The following PRKG1 variants were observed in gnomAD, a reference collection of about 807,000 sequenced individuals.
PRKG1 encodes cGMP-dependent protein kinase 1.
Under a neutral mutation model 88.1 loss-of-function variants are expected in PRKG1, and 35 were observed. The observed-to-expected ratio is 0.40, with a 90% CI of 0.30 to 0.53. The LOEUF is 0.53. Among genes scored for constraint, PRKG1 ranks in the 20% least tolerant of loss-of-function variants. The pLI, the probability that PRKG1 is intolerant of heterozygous loss-of-function variation, is 0.59. For synonymous variants in PRKG1, 303 were observed against 292.5 expected (o/e 1.04, Z -0.37); for missense variants, 540 against 839.8 (o/e 0.64, Z 4.41).
intron 9 of PRKG1, among the ~76,000 whole-genome samples, chr10:52,191,112 C>A (rs1839351433): frequency 6.6e-6 from 1 of 152,056 alleles, no homozygotes. Flanking sequence ...CTCTTTAGGC[C>A]TCCTTTAATC....
At chr10:51,094,575 A>G (rs945725988) in intron 1 of PRKG1, among the ~76,000 whole-genome samples, 2 of 151,940 alleles carry the variant, frequency 1.3e-5, no homozygotes, top group African/African-American at 4.8e-5. Flanking sequence ...TTTGAATGGT[A>G]TCATGAAAGA....
chr10:51,208,611 C>T (rs978749857), intron 2 of PRKG1, among the ~76,000 whole-genome samples: 4 of 152,126 alleles, frequency 2.6e-5, no homozygotes, highest in African/African-American at 9.6e-5. Context: ...CTTCAAAATG[C>T]AAAAGGCTTA....
intron 3 of PRKG1, among the ~76,000 whole-genome samples, chr10:51,653,931 T>C (rs181804079): frequency 6.6e-6 from 1 of 152,318 alleles, no homozygotes. Context: ...CCTATATATT[T>C]TGAATATGAA....
intron 3 of PRKG1, among the ~76,000 whole-genome samples, chr10:51,646,938 C>T (rs775409475): frequency 1.3e-4 from 20 of 151,774 alleles, no homozygotes; most frequent in Admixed American, 5.3e-4. Flanking sequence ...GAAGCTCATT[C>T]CTTGGTGTTA....
chr10:52,027,773 C>T (rs1178922724), intron 5 of PRKG1, among the ~76,000 whole-genome samples: 2 of 151,530 alleles, frequency 1.3e-5, no homozygotes, highest in African/African-American at 4.9e-5. Context: ...CCAGGCTGTT[C>T]TATCTTTATT....
chr10:51,883,215 T>G (rs1335767171), intron 4 of PRKG1, among the ~76,000 whole-genome samples: 2 of 152,236 alleles, frequency 1.3e-5, no homozygotes, highest in African/African-American at 4.8e-5. Context: ...TTAGCTCCCC[T>G]GGATCTCAAG....
chr10:51,709,276 C>A (rs1407785854), intron 3 of PRKG1, among the ~76,000 whole-genome samples: 1 of 152,174 alleles, frequency 6.6e-6, no homozygotes, highest in Non-Finnish European at 1.5e-5. Context: ...ATACACTGTA[C>A]TTTTAAAATA....
At chr10:51,851,133 T>G (rs941363178) in intron 4 of PRKG1, among the ~76,000 whole-genome samples, 1 of 152,012 alleles carries the variant, frequency 6.6e-6, no homozygotes. Flanking sequence ...TAATAGATAA[T>G]CAGGAAAAGG....
intron 4 of PRKG1, among the ~76,000 whole-genome samples, chr10:51,854,987 C>T (rs1298339499): frequency 6.6e-6 from 1 of 152,098 alleles, no homozygotes; most frequent in Non-Finnish European, 1.5e-5. Flanking sequence ...ATTTAGATTA[C>T]TGCAAAGTGG....
At chr10:52,276,590 C>A (rs1841879784) in intron 12 of PRKG1, among the ~76,000 whole-genome samples, 1 of 152,088 alleles carries the variant, frequency 6.6e-6, no homozygotes, top group Non-Finnish European at 1.5e-5. Context: ...CTTAAAACAA[C>A]CACCCATCCC....
chr10:52,014,960 C>A (rs1221770496), intron 5 of PRKG1, among the ~76,000 whole-genome samples: 1 of 152,238 alleles, frequency 6.6e-6, no homozygotes. Context: ...AGGGTACAGC[C>A]CCCACAGCTG....
intron 3 of PRKG1, among the ~76,000 whole-genome samples, chr10:51,485,104 T>G (rs1253381315): frequency 1.3e-5 from 2 of 152,186 alleles, no homozygotes; most frequent in Non-Finnish European, 2.9e-5. Context: ...AGCCTTTTGC[T>G]CAACATTTTA....
intron 3 of PRKG1, among the ~76,000 whole-genome samples, chr10:51,485,806 T>C (rs571322365): frequency 2.6e-5 from 4 of 152,304 alleles, no homozygotes; most frequent in Admixed American, 2.6e-4. Context: ...CATTCAGGAA[T>C]TCTTATTAGG....
At chr10:51,465,724 A>C (rs1839889050) in intron 2 of PRKG1, among the ~76,000 whole-genome samples, 1 of 152,166 alleles carries the variant, frequency 6.6e-6, no homozygotes, top group Non-Finnish European at 1.5e-5. Flanking sequence ...TTCTTTCTCC[A>C]CTGGGCAAGG....
intron 1 of PRKG1, among the ~76,000 whole-genome samples, chr10:51,048,245 A>AT (rs1198050030): frequency 6.7e-6 from 1 of 148,616 alleles, no homozygotes; most frequent in Non-Finnish European, 1.5e-5. Flanking sequence ...CTGTCTCTCT[A>AT]TTTTCTTTTT....
intron 4 of PRKG1, among the ~76,000 whole-genome samples, chr10:51,898,543 A>G (rs543394927): frequency 6.6e-6 from 1 of 152,158 alleles, no homozygotes; most frequent in Non-Finnish European, 1.5e-5. Flanking sequence ...CAATATTAAA[A>G]AAAAATTTTG....
At chr10:51,603,925 G>T (rs1269786344) in intron 3 of PRKG1, among the ~76,000 whole-genome samples, 1 of 152,156 alleles carries the variant, frequency 6.6e-6, no homozygotes, top group Non-Finnish European at 1.5e-5. Context: ...AGGCTGTCAC[G>T]CTGGGATGGT....
intron 2 of PRKG1, among the ~76,000 whole-genome samples, chr10:51,239,175 A>T (rs960607098): frequency 2.6e-5 from 4 of 152,322 alleles, no homozygotes; most frequent in African/African-American, 9.6e-5. Context: ...ATCAGTTCAC[A>T]CCCTTCTCTA....
intron 4 of PRKG1, among the ~76,000 whole-genome samples, chr10:51,869,751 A>T (rs954644730): frequency 1.9e-4 from 29 of 152,326 alleles, no homozygotes; most frequent in African/African-American, 6.5e-4. Context: ...ATATATCATT[A>T]TATTTAAATT....
Sources: gnomAD v4.1 joint callset for allele counts (sites outside exome capture counted in the v4.1 genomes callset) on GRCh38, gnomAD v4.1.1 for gene constraint, MANE v1.5 for transcripts, NCBI Gene and HGNC (gene_info 2026-07-23, HGNC 2026-07-21) for gene names.